The following KIF1B variants were observed in gnomAD, a reference collection of about 807,000 sequenced individuals.
The protein encoded by KIF1B is kinesin family member 1B, also known as kinesin-like protein KIF1B.
In KIF1B, 76 loss-of-function variants were observed where a neutral mutation model predicts 241.9. The observed-to-expected ratio is 0.31, with a 90% CI of 0.26 to 0.38. The LOEUF is 0.38. KIF1B is among the 10% of genes least tolerant of loss of function. The pLI is 1.00. For missense variants in KIF1B, 1,622 were observed against 2,271.4 expected, an observed-to-expected ratio of 0.71 and a Z score of 5.81; for synonymous variants, 750 against 796.7, an observed-to-expected ratio of 0.94 and a Z score of 0.99.
chr1:10,282,891 A>G (rs1019515737), intron 15 of KIF1B, among the ~76,000 whole-genome samples: 2 of 152,176 alleles, frequency 1.3e-5, no homozygotes, highest in African/African-American at 4.8e-5. Context: ...AATTCTGTGT[A>G]GAGCCATGCT....
At chr1:10,317,889 C>T (rs61778372) in intron 22 of KIF1B, among the ~76,000 whole-genome samples, 6 of 151,026 alleles carry the variant, frequency 4.0e-5, no homozygotes, top group South Asian at 2.1e-4. Context: ...AGGGCTTTCA[C>T]GTGTTTTTAA....
intron 7 of KIF1B, among the ~76,000 whole-genome samples, chr1:10,270,167 C>T (rs1055936297): frequency 6.6e-5 from 10 of 152,268 alleles, no homozygotes; most frequent in Admixed American, 4.6e-4. Flanking sequence ...GTGAAACTAG[C>T]GCCACAATCC....
Position 10,272,301 on chromosome 1 carries a change from G to A in KIF1B, c.859G>A (p.Glu287Lys), listed in dbSNP as rs760286272. Residue 287 changes from glutamate to lysine, a missense_variant, in exon 9 of 49, where the codon GAG becomes AAG. Around this residue, in one of 7 missense-constraint regions of KIF1B, gnomAD observed 201 missense variants for 301.2 expected, o/e 0.67. Transcript: ENST00000676179. ...GGGCAAAGTCATTTCAGCCTTGGCC[G>A]AGGTGGTAAGTTTTATACTTCATTA... is the stretch of plus-strand genomic sequence containing the variant. Reference protein sequence around the residue: ...TLGKVISALAEVDNCTSKSKK... With the variant: ...TLGKVISALAKVDNCTSKSKK... 1.9e-6 allele frequency: 3 copies of A among 1,599,320 alleles called. No individual in the cohort carries two copies. Among genetic ancestry groups the A allele is most frequent in the Non-Finnish European group, 2.6e-6 (3 of 1,166,734 alleles).
At chr1:10,221,178 A>T (rs193019810) in intron 1 of KIF1B, among the ~76,000 whole-genome samples, 1 of 141,542 alleles carries the variant, frequency 7.1e-6, no homozygotes, top group Admixed American at 7.3e-5. Flanking sequence ...GCTCACTGCA[A>T]CCTCCACCTC....
chr1:10,256,374 T>G (rs1647781571), intron 3 of KIF1B, 51 bp downstream of exon 3: 1 of 1,256,722 alleles, frequency 8.0e-7, no homozygotes, highest in Non-Finnish European at 1.2e-6. Context: ...CTTTCCTCTT[T>G]CCTTGCCGAT....
chr1:10,227,005 T>G (rs1158884524), intron 1 of KIF1B, among the ~76,000 whole-genome samples: 1 of 151,176 alleles, frequency 6.6e-6, no homozygotes, highest in East Asian at 1.9e-4. Context: ...ATACATTGTA[T>G]TTGGTTGATA....
chr1:10,239,915 G>A (rs533041495), intron 2 of KIF1B, among the ~76,000 whole-genome samples: 43 of 151,900 alleles, frequency 2.8e-4, no homozygotes, highest in African/African-American at 9.4e-4. Flanking sequence ...ACAAGCACCC[G>A]CCACCATGCC....
intron 2 of KIF1B, among the ~76,000 whole-genome samples, chr1:10,246,099 T>C (rs558493925): frequency 4.6e-5 from 7 of 152,344 alleles, no homozygotes; most frequent in Non-Finnish European, 8.8e-5. Flanking sequence ...TAGACTTGGC[T>C]ACCCAGCTGC....
chr1:10,246,294 A>G (rs768245809), intron 2 of KIF1B, among the ~76,000 whole-genome samples: 11 of 152,324 alleles, frequency 7.2e-5, no homozygotes, highest in Admixed American at 3.3e-4. Flanking sequence ...CATAGGCCAC[A>G]TATATCAATC....
At chr1:10,273,382 T>C (rs1467277949) in intron 10 of KIF1B, among the ~76,000 whole-genome samples, 1 of 152,154 alleles carries the variant, frequency 6.6e-6, no homozygotes, top group Non-Finnish European at 1.5e-5. Context: ...GGTGAAACTC[T>C]GTCTCTACTA....
At chr1:10,361,477 AAAC>A (rs1247727048) in intron 39 of KIF1B, among the ~76,000 whole-genome samples, 2 of 152,198 alleles carry the variant, frequency 1.3e-5, no homozygotes, top group Non-Finnish European at 2.9e-5. Context: ...CTATCAGGAG[AAAC>A]AACATTTACC....
At chr1:10,342,333 A>T (rs1325198233) in intron 33 of KIF1B, among the ~76,000 whole-genome samples, 165 bp downstream of exon 33, 1 of 152,246 alleles carries the variant, frequency 6.6e-6, no homozygotes, top group East Asian at 1.9e-4. Context: ...TAGCCACCTA[A>T]TCACTGATTT....
At chr1:10,314,724 T>C (rs1651227552) in intron 22 of KIF1B, among the ~76,000 whole-genome samples, 1 of 151,664 alleles carries the variant, frequency 6.6e-6, no homozygotes, top group Non-Finnish European at 1.5e-5. Flanking sequence ...CTGGCCCAGT[T>C]AAACTTTTTA....
chr1:10,222,924 T>G (rs1362915712), intron 1 of KIF1B, among the ~76,000 whole-genome samples: 1 of 152,226 alleles, frequency 6.6e-6, no homozygotes, highest in Non-Finnish European at 1.5e-5. Context: ...TTTTTGCTAA[T>G]TATTAAGAAA....
At chr1:10,232,690 G>A (rs1646998286) in intron 2 of KIF1B, among the ~76,000 whole-genome samples, 2 of 152,128 alleles carry the variant, frequency 1.3e-5, no homozygotes, top group African/African-American at 4.8e-5. Flanking sequence ...TGCTTATTAA[G>A]TTGAAATTTT....
chr1:10,279,680 C>T (rs1489258304), intron 14 of KIF1B, among the ~76,000 whole-genome samples: 4 of 134,402 alleles, frequency 3.0e-5, no homozygotes, highest in African/African-American at 5.4e-5. Context: ...ATTAGATAAA[C>T]GTTTTTTCCT....
At position 10,212,883 on chromosome 1, in the gene KIF1B, C is replaced by CAT. The variant is rs1646711498; in HGVS notation, c.-80+2005_-80+2006insAT. On this transcript the variant is annotated intron_variant, in intron 1 of 48. Coordinates refer to ENST00000676179, the MANE Select transcript of KIF1B (RefSeq NM_001365951.3). ...ATATATATATGTGTGTGTGTGCATG[C>CAT]GTGTGTGTATATATATATATATATA... Among the ~76,000 whole-genome samples the CAT allele has an allele frequency of 7.7e-5, 5 of 64,888 alleles. No homozygotes were observed. The Admixed American group carries it at 7.9e-4, about 10-fold the overall frequency. 42.6% of individuals were successfully genotyped at this position (64,888 alleles called of 152,430 possible). A position where few individuals can be genotyped will look rare whatever the true frequency, so the allele number is the denominator to read the frequency against.
Position 10,304,098 on chromosome 1 carries a change from T to C in KIF1B, c.2115+6852T>C, listed in dbSNP as rs759157185. ...AGAGCAACCCTAAACACAGAAACTCTTGGAGTCCTGGGACACATATCATCA... is the reference window on the plus strand; with the variant it reads ...AGAGCAACCCTAAACACAGAAACTCCTGGAGTCCTGGGACACATATCATCA... On this transcript the variant is annotated intron_variant, in intron 22 of 48. Transcript: ENST00000676179. The C allele has an allele frequency of 5.0e-6, 8 of 1,614,100 alleles. No homozygotes were observed. In the South Asian group the frequency reaches 7.7e-5, roughly 16 times the overall value.
Position 10,267,372 on chromosome 1 carries a change from G to T in KIF1B, c.430-8G>T, listed in dbSNP as rs1648527241. ...TCACTCTAATTCACTTTACTAATTT[G>T]TTCATAGGTGAGCTACATGGAAATT... On this transcript the variant is annotated splice_polypyrimidine_tract_variant and splice_region_variant and intron_variant, in intron 5 of 48. Transcript: ENST00000676179. 2 of 1,613,348 alleles carry T rather than the reference G, an allele frequency of 1.2e-6. No homozygotes were observed. Among genetic ancestry groups the T allele is most frequent in the Non-Finnish European group, 1.7e-6 (2 of 1,179,432 alleles).
Sources: allele counts gnomAD v4.1 joint callset (sites outside exome capture counted in the v4.1 genomes callset), GRCh38; gene constraint gnomAD v4.1.1; regional missense constraint gnomAD v4.1.1; transcripts MANE v1.5; gene names NCBI Gene and HGNC (gene_info 2026-07-23, HGNC 2026-07-21).